FSTL5: variants seen among roughly 807,000 people sequenced by gnomAD.
FSTL5 encodes follistatin like 5, also known as follistatin-related protein 5.
A neutral mutation model predicts 89.1 loss-of-function variants in FSTL5; 62 were observed. The observed-to-expected ratio is 0.70, with a 90% CI of 0.57 to 0.86. The LOEUF (loss-of-function observed/expected upper bound fraction) is 0.86, where lower values mean the gene tolerates loss of function less well. FSTL5 is among the 40% of genes least tolerant of loss of function. The pLI, the probability that FSTL5 is intolerant of heterozygous loss-of-function variation, is 0.00. For synonymous variants in FSTL5, 383 were observed against 346.2 expected, an observed-to-expected ratio of 1.11 and a Z score of -1.18; for missense variants, 1,057 against 1,001.6, an observed-to-expected ratio of 1.06 and a Z score of -0.75.
At chr4:161,587,097 C>T (rs1381544445) in intron 8 of FSTL5, among the ~76,000 whole-genome samples, 1 of 151,978 alleles carries the variant, frequency 6.6e-6, no homozygotes, top group African/African-American at 2.4e-5. Context: ...TAGTCTATAT[C>T]ATTAAAACAA....
intron 11 of FSTL5, among the ~76,000 whole-genome samples, chr4:161,505,259 C>T (rs1261599574): frequency 2.0e-5 from 3 of 152,156 alleles, no homozygotes; most frequent in Admixed American, 6.5e-5. Context: ...CATGAATGTT[C>T]TCATTCACTA....
At chr4:161,713,565 C>T (rs1241087500) in intron 6 of FSTL5, among the ~76,000 whole-genome samples, 1 of 152,128 alleles carries the variant, frequency 6.6e-6, no homozygotes, top group African/African-American at 2.4e-5. Flanking sequence ...CGTGCAAAAA[C>T]AGTACATGCC....
At chr4:161,742,969 T>A (rs1451452139) in intron 6 of FSTL5, among the ~76,000 whole-genome samples, 1 of 152,216 alleles carries the variant, frequency 6.6e-6, no homozygotes, top group Non-Finnish European at 1.5e-5. Flanking sequence ...TTTATATTAA[T>A]CTGTTATGTA....
intron 7 of FSTL5, among the ~76,000 whole-genome samples, chr4:161,608,534 A>T (rs542173356): frequency 6.6e-6 from 1 of 152,068 alleles, no homozygotes; most frequent in Non-Finnish European, 1.5e-5. Context: ...AAAAAGAGTA[A>T]TTGCAAATAA....
At chr4:161,519,959 T>C (rs944816397) in intron 10 of FSTL5, among the ~76,000 whole-genome samples, 2 of 152,122 alleles carry the variant, frequency 1.3e-5, no homozygotes, top group Admixed American at 1.3e-4. Context: ...AGTTGTTCAA[T>C]AGATGTTGGT....
At chr4:161,587,716 AT>A (rs1048447470) in intron 7 of FSTL5, 141 bp from the exon 8 acceptor site, 2 of 577,190 alleles carry the variant, frequency 3.5e-6, no homozygotes, top group Non-Finnish European at 3.0e-6. Flanking sequence ...TGTTGGGTGT[AT>A]AAGCGTAAAG....
intron 4 of FSTL5, among the ~76,000 whole-genome samples, chr4:161,905,069 A>T (rs1733483151): frequency 6.6e-6 from 1 of 152,102 alleles, no homozygotes; most frequent in Admixed American, 6.6e-5. Context: ...TCATTGTACA[A>T]CTATCATATA....
At chr4:161,799,331 C>T (rs990921775) in intron 4 of FSTL5, among the ~76,000 whole-genome samples, 11 of 151,300 alleles carry the variant, frequency 7.3e-5, no homozygotes, top group African/African-American at 2.7e-4. Flanking sequence ...ATGAGAGATC[C>T]AATAAAATAT....
At chr4:161,701,938 T>G (rs1560798181) in intron 6 of FSTL5, among the ~76,000 whole-genome samples, 4 of 152,134 alleles carry the variant, frequency 2.6e-5, no homozygotes, top group Admixed American at 6.6e-5. Context: ...ACAAATATGT[T>G]AATTTACTTC....
intron 7 of FSTL5, among the ~76,000 whole-genome samples, chr4:161,626,364 T>C (rs1247203656): frequency 3.3e-5 from 5 of 152,196 alleles, no homozygotes; most frequent in Non-Finnish European, 7.4e-5. Flanking sequence ...AGAATTATTC[T>C]AAATCTACTC....
At chr4:162,085,227 A>G (rs948833866) in intron 2 of FSTL5, among the ~76,000 whole-genome samples, 2 of 152,056 alleles carry the variant, frequency 1.3e-5, no homozygotes, top group South Asian at 2.1e-4. Context: ...ACTGGTGAAA[A>G]TTTTCTAATA....
At chr4:161,543,555 C>T (rs1265165797) in intron 8 of FSTL5, among the ~76,000 whole-genome samples, 2 of 151,846 alleles carry the variant, frequency 1.3e-5, no homozygotes, top group African/African-American at 4.8e-5. Flanking sequence ...AGCTGGAGGG[C>T]TCATACTTGC....
chr4:161,678,228 C>T (rs563565323), intron 6 of FSTL5, among the ~76,000 whole-genome samples: 1 of 151,478 alleles, frequency 6.6e-6, no homozygotes, highest in Non-Finnish European at 1.5e-5. Flanking sequence ...ATATATACAG[C>T]CCCCACACTT....
At chr4:162,030,760 G>T (rs1189483647) in intron 3 of FSTL5, among the ~76,000 whole-genome samples, 1 of 152,128 alleles carries the variant, frequency 6.6e-6, no homozygotes, top group African/African-American at 2.4e-5. Context: ...GACTCTGTAA[G>T]TTATTTGTAA....
intron 4 of FSTL5, among the ~76,000 whole-genome samples, chr4:161,780,431 C>T (rs7665128): frequency 0.73 from 111,558 of 152,012 alleles, 40,985 homozygotes; most frequent in Non-Finnish European, 0.76. Context: ...GAAACAATTT[C>T]CTGGATTCAC....
chr4:162,089,201 C>T (rs536944608), intron 2 of FSTL5, among the ~76,000 whole-genome samples: 4 of 152,140 alleles, frequency 2.6e-5, no homozygotes, highest in South Asian at 4.2e-4. Flanking sequence ...GTGTACTTCC[C>T]GTATCTAGAA....
At chr4:161,832,120 A>G (rs756206278) in intron 4 of FSTL5, among the ~76,000 whole-genome samples, 1 of 152,046 alleles carries the variant, frequency 6.6e-6, no homozygotes, top group Non-Finnish European at 1.5e-5. Flanking sequence ...AAATGTTATG[A>G]TAGTTTTATG....
At chr4:161,850,199 T>G (rs72981113) in intron 4 of FSTL5, among the ~76,000 whole-genome samples, 14,072 of 152,216 alleles carry the variant, frequency 0.092, 828 homozygotes, top group African/African-American at 0.17. Flanking sequence ...AGGGAAAGGA[T>G]GCTATGGTTT....
intron 4 of FSTL5, among the ~76,000 whole-genome samples, chr4:161,847,917 T>C (rs1731420529): frequency 6.6e-6 from 1 of 150,554 alleles, no homozygotes; most frequent in Admixed American, 6.7e-5. Flanking sequence ...GTGCCTGTAA[T>C]CACAGCTACT....
Sources: gnomAD v4.1 joint callset for allele counts (sites outside exome capture counted in the v4.1 genomes callset) on GRCh38, gnomAD v4.1.1 for gene constraint, MANE v1.5 for transcripts, NCBI Gene and HGNC (gene_info 2026-07-23, HGNC 2026-07-21) for gene names.